Variants in MYO18A observed in about 807,000 individuals in gnomAD.
MYO18A encodes unconventional myosin-XVIIIa.
Under a neutral mutation model 235.8 loss-of-function variants are expected in MYO18A, and 78 were observed. The observed-to-expected ratio is 0.33, with a 90% CI of 0.28 to 0.40. The LOEUF is 0.40. MYO18A is among the 10% of genes least tolerant of loss of function. MYO18A has a pLI of 1.00. For missense variants in MYO18A, 2,215 were observed against 2,699.3 expected, an observed-to-expected ratio of 0.82 and a Z score of 3.98; for synonymous variants, 977 against 1,077.8, an observed-to-expected ratio of 0.91 and a Z score of 1.83.
At chr17:29,142,996 CG>C (rs1567628906) in intron 2 of MYO18A, among the ~76,000 whole-genome samples, 1 of 152,040 alleles carries the variant, frequency 6.6e-6, no homozygotes, top group African/African-American at 2.4e-5. Context: ...TTAGTGGAGA[CG>C]GGGTTTCACC....
chr17:29,105,125 T>C (rs950685532), intron 20 of MYO18A, among the ~76,000 whole-genome samples: 7 of 131,392 alleles, frequency 5.3e-5, no homozygotes, highest in Non-Finnish European at 9.1e-5. Flanking sequence ...TGAGCTCAGA[T>C]GGCGCCACTG....
intron 1 of MYO18A, among the ~76,000 whole-genome samples, chr17:29,172,200 G>A (rs984555561): frequency 2.0e-5 from 3 of 152,094 alleles, no homozygotes; most frequent in Non-Finnish European, 2.9e-5. Flanking sequence ...AGGGCCGGGC[G>A]CAATGGCTCA....
At chr17:29,089,933 G>A in intron 37 of MYO18A, 28 bp downstream of exon 37, 1 of 1,613,726 alleles carries the variant, frequency 6.2e-7, no homozygotes, top group Non-Finnish European at 8.5e-7. Flanking sequence ...GCCCTGTTTG[G>A]TGTGGCCCGG....
chr17:29,114,078 A>G lies in MYO18A; in HGVS notation c.2531T>C (p.Phe844Ser), dbSNP rs76946266. The G allele has an allele frequency of 3.1e-5, 50 of 1,600,282 alleles. No individual in the cohort carries two copies. In the African/African-American group the frequency reaches 6.6e-4, roughly 21 times the overall value. Reference protein sequence around the residue: ...RYKEENIELAFDDLEPPTDDS... With the variant: ...RYKEENIELASDDLEPPTDDS... ...ATCCGTCGGGGGTTCCAAGTCGTCAAACGCCAGCTCGATGTTCTCCTGGGA... is the reference window on the plus strand; with the variant it reads ...ATCCGTCGGGGGTTCCAAGTCGTCAGACGCCAGCTCGATGTTCTCCTGGGA... Residue 844 changes from phenylalanine (F) to serine (S), a missense_variant, in exon 15 of 42, where the codon TTT (phenylalanine) becomes TCT (serine). Coordinates refer to ENST00000527372, the MANE Select transcript of MYO18A (RefSeq NM_078471.4).
chr17:29,088,212 G>A (rs2066306672), intron 37 of MYO18A, among the ~76,000 whole-genome samples: 2 of 151,778 alleles, frequency 1.3e-5, no homozygotes, highest in Non-Finnish European at 2.9e-5. Context: ...CCGCCACCAC[G>A]CCCGGCTAAT....
chr17:29,096,962 G>A, intron 27 of MYO18A, 47 bp from the exon 28 acceptor site: 1 of 1,489,466 alleles, frequency 6.7e-7, no homozygotes, highest in Non-Finnish European at 8.9e-7. Flanking sequence ...CAGAAGCATA[G>A]GTGGAGAAGG....
rs1191026437 is a variant in MYO18A at position 29,086,918 on chromosome 17, G to A, written c.5712+18C>T. The A allele has an allele frequency of 6.2e-7, 1 of 1,604,940 alleles. No homozygotes were observed. The highest frequency in any genetic ancestry group is 8.5e-7 in the Non-Finnish European group (1 of 1,175,222). ...AAGGGGCTGCCATGTGGGCCCCGTG[G>A]GGGACAGGGGGCATTACCAGTTCGT... On this transcript the variant is annotated intron_variant, in intron 38 of 41. Transcript: ENST00000527372.
intron 2 of MYO18A, among the ~76,000 whole-genome samples, chr17:29,138,898 A>T (rs2067669325): frequency 6.6e-6 from 1 of 152,188 alleles, no homozygotes; most frequent in Admixed American, 6.5e-5. Context: ...GCAGCTTGGG[A>T]GGAAAGCAGG....
At chr17:29,086,913 C>T (rs1487430941) in intron 38 of MYO18A, 23 bp downstream of exon 38, 3 of 1,600,260 alleles carry the variant, frequency 1.9e-6, no homozygotes, top group Non-Finnish European at 1.7e-6. Flanking sequence ...CATGTGGGCC[C>T]CGTGGGGGAC....
intron 7 of MYO18A, 95 bp from the exon 8 acceptor site, chr17:29,119,530 G>T: frequency 1.3e-6 from 1 of 784,782 alleles, no homozygotes; most frequent in Non-Finnish European, 2.0e-6. Flanking sequence ...TGGTCCTCTA[G>T]GCCCTGGGGA....
intron 41 of MYO18A, chr17:29,076,538 AT>A (rs904512531): frequency 2.0e-5 from 3 of 152,208 alleles, no homozygotes; most frequent in Admixed American, 2.0e-4. Flanking sequence ...ATGAATTACC[AT>A]TTTTAAAGGA....
intron 19 of MYO18A, 135 bp from the exon 20 acceptor site, chr17:29,107,324 G>A (rs2066813016): frequency 1.3e-6 from 1 of 781,442 alleles, no homozygotes; most frequent in Admixed American, 2.2e-5. Flanking sequence ...GCCTGTGGTT[G>A]AAGGCAGGCC....
Position 29,165,945 on chromosome 17 carries a change from G to A in MYO18A, c.996C>T (p.Ser332=), listed in dbSNP as rs764110291. Residue 332 remains serine (S), a synonymous_variant, in exon 2 of 42, where the codon TCC becomes TCT. Coordinates refer to ENST00000527372, the MANE Select transcript of MYO18A (RefSeq NM_078471.4). ...AGGTGCCCAGGGAAGCACTCACATC[G>A]GATGGCTCCCTGCGAGGTCCCTCGC... ...RSGEGPRREP[S]DAKTEEQIAA... The A allele has an allele frequency of 4.3e-6, 7 of 1,611,512 alleles. No individual in the cohort carries two copies. Among genetic ancestry groups the A allele is most frequent in the Admixed American group, 1.7e-5 (1 of 59,932 alleles).
intron 2 of MYO18A, among the ~76,000 whole-genome samples, chr17:29,146,650 A>G (rs1824071520): frequency 6.6e-6 from 1 of 152,248 alleles, no homozygotes; most frequent in Non-Finnish European, 1.5e-5. Flanking sequence ...AGAGTCACAC[A>G]TCTCTATCCA....
chr17:29,102,340 A>G (rs897422521), intron 21 of MYO18A, among the ~76,000 whole-genome samples: 10 of 152,346 alleles, frequency 6.6e-5, no homozygotes, highest in African/African-American at 2.4e-4. Context: ...CTTGAGAGGC[A>G]GGAATCCTGG....
In MYO18A at chr17:29,074,530, G is replaced by A; in HGVS notation, c.*240C>T. Reference sequence around the variant, plus strand: ...GACACAGGGTAGAAGCCAAGAGTCTGGCATTTTGAGACAGAGGAGCAAAAA... The same window carrying A: ...GACACAGGGTAGAAGCCAAGAGTCTAGCATTTTGAGACAGAGGAGCAAAAA... On this transcript the variant is annotated 3_prime_UTR_variant, in exon 42 of 42. Coordinates refer to ENST00000527372, the MANE Select transcript of MYO18A (RefSeq NM_078471.4). This position sits in a 1 kb window ranked among gnomAD's most constrained non-coding sequence, Gnocchi z 4.4. 1 of 591,042 alleles carries A rather than the reference G, an allele frequency of 1.7e-6. No homozygotes were observed. Among genetic ancestry groups the A allele is most frequent in the Non-Finnish European group, 3.1e-6 (1 of 325,932 alleles). The allele number at this position is 591,042 out of a possible 1,614,324, so 36.6% of individuals were successfully genotyped here.
At chr17:29,076,227 G>A (rs1315989861) in intron 41 of MYO18A, 1 of 151,522 alleles carries the variant, frequency 6.6e-6, no homozygotes, top group Non-Finnish European at 1.5e-5. Flanking sequence ...GAGATGAAAG[G>A]ATCTTCCCCA....
intron 2 of MYO18A, chr17:29,133,887 G>A (rs1409167830): frequency 6.2e-6 from 8 of 1,286,374 alleles, no homozygotes; most frequent in Non-Finnish European, 8.1e-6. Context: ...GGGGGGCAGG[G>A]TCTCTCAGTG....
chr17:29,100,369 G>T (rs1352139399), intron 21 of MYO18A, among the ~76,000 whole-genome samples: 1 of 152,198 alleles, frequency 6.6e-6, no homozygotes, highest in Non-Finnish European at 1.5e-5. Context: ...ATTTCAGATG[G>T]TCTCCTCTTT....
Sources: gnomAD v4.1 joint callset for allele counts (sites outside exome capture counted in the v4.1 genomes callset) on GRCh38, gnomAD v4.1.1 for gene constraint, Gnocchi (gnomAD v3.1) non-coding constraint, MANE v1.5 for transcripts, NCBI Gene and HGNC (gene_info 2026-07-23, HGNC 2026-07-21) for gene names.